The following CCDC141 variants were observed in gnomAD, a reference collection of about 807,000 sequenced individuals.
CCDC141 encodes the protein coiled-coil domain containing 141.
In CCDC141, 168 loss-of-function variants were observed where a neutral mutation model predicts 181.0. The observed-to-expected ratio is 0.93, with a 90% CI of 0.82 to 1.05. The LOEUF is 1.05. Ranked by LOEUF, CCDC141 falls within the 50% of genes least tolerant of loss-of-function variation. The pLI is 0.00. For synonymous variants in CCDC141, 666 were observed against 642.3 expected (o/e 1.04, Z -0.56); for missense variants, 1,902 against 1,788.5 (o/e 1.06, Z -1.14).
chr2:178,893,683 T>A (rs76947097), intron 8 of CCDC141, among the ~76,000 whole-genome samples: 7 of 152,098 alleles, frequency 4.6e-5, no homozygotes, highest in Non-Finnish European at 8.8e-5. Flanking sequence ...CATCCCTACT[T>A]TGAAAAAGTG....
intron 2 of CCDC141, among the ~76,000 whole-genome samples, chr2:179,039,672 C>T (rs1214800495): frequency 6.6e-6 from 1 of 152,060 alleles, no homozygotes; most frequent in Non-Finnish European, 1.5e-5. Flanking sequence ...AGACCCTGTA[C>T]ATACAAAAAG....
intron 2 of CCDC141, among the ~76,000 whole-genome samples, chr2:179,038,217 T>A (rs1361200591): frequency 6.6e-6 from 1 of 152,204 alleles, no homozygotes; most frequent in Admixed American, 6.5e-5. Context: ...TGCTGCAAAA[T>A]GGGTGAACCT....
At chr2:178,882,446 G>A (rs979325313) in intron 11 of CCDC141, among the ~76,000 whole-genome samples, 2 of 152,288 alleles carry the variant, frequency 1.3e-5, no homozygotes, top group East Asian at 1.9e-4. Flanking sequence ...GCTGAAGGAC[G>A]TAGGAATATT....
chr2:179,033,195 C>T (rs1035705026), intron 2 of CCDC141, among the ~76,000 whole-genome samples: 1 of 151,562 alleles, frequency 6.6e-6, no homozygotes, highest in Non-Finnish European at 1.5e-5. Flanking sequence ...CATCCACATC[C>T]ACAGATTTGA....
chr2:178,831,180 G>C lies in CCDC141; in HGVS notation c.*2993C>G, dbSNP rs1684234760. ...GAATATTCAGAGATTCAAATGTACA[G>C]ATTCCTACAGTAAATTTCTCTTGGA... On this transcript the variant is annotated 3_prime_UTR_variant, in exon 24 of 24. Coordinates refer to ENST00000443758, the MANE Select transcript of CCDC141 (RefSeq NM_173648.4). 1 of 152,150 alleles carries C rather than the reference G, an allele frequency of 6.6e-6. No homozygotes were observed. Among genetic ancestry groups the C allele is most frequent in the African/African-American group, 2.4e-5 (1 of 41,448 alleles). 9.4% of individuals were successfully genotyped at this position (152,150 alleles called of 1,614,324 possible). A position where few individuals can be genotyped will look rare whatever the true frequency, so the allele number is the denominator to read the frequency against.
At chr2:178,935,609 G>A (rs926054796) in intron 6 of CCDC141, among the ~76,000 whole-genome samples, 21 of 152,132 alleles carry the variant, frequency 1.4e-4, no homozygotes, top group African/African-American at 5.1e-4. Context: ...CTTTATGGTA[G>A]AATGATTTAT....
intron 17 of CCDC141, among the ~76,000 whole-genome samples, chr2:178,861,787 A>T (rs1002582486): frequency 6.6e-6 from 1 of 152,144 alleles, no homozygotes; most frequent in African/African-American, 2.4e-5. Flanking sequence ...TTGTATTCTT[A>T]TGGCTTGGTA....
intron 6 of CCDC141, among the ~76,000 whole-genome samples, chr2:178,923,171 C>G (rs1019166764): frequency 3.5e-5 from 5 of 144,130 alleles, no homozygotes; most frequent in African/African-American, 1.3e-4. Context: ...GTGGCGGGAT[C>G]TCGGCTCACT....
intron 8 of CCDC141, among the ~76,000 whole-genome samples, chr2:178,898,982 T>C (rs4893858): frequency 0.048 from 7,278 of 152,256 alleles, 466 homozygotes; most frequent in South Asian, 0.21. Flanking sequence ...CTGTAATCAT[T>C]TGAAACAACC....
chr2:178,928,124 C>T (rs1236480298), intron 6 of CCDC141, among the ~76,000 whole-genome samples: 2 of 152,024 alleles, frequency 1.3e-5, no homozygotes, highest in Non-Finnish European at 2.9e-5. Context: ...ACAGAGAAAC[C>T]GGGTGACTGA....
At chr2:178,910,441 C>T (rs550103034) in intron 7 of CCDC141, among the ~76,000 whole-genome samples, 62 of 152,304 alleles carry the variant, frequency 4.1e-4, no homozygotes, top group Non-Finnish European at 8.2e-4. Flanking sequence ...ACACAAAACT[C>T]AGCTAAGTGC....
chr2:178,991,194 TCTC>T (rs1168342472), intron 2 of CCDC141, among the ~76,000 whole-genome samples: 1 of 152,142 alleles, frequency 6.6e-6, no homozygotes, highest in African/African-American at 2.4e-5. Flanking sequence ...CAATACATAT[TCTC>T]CTTTTTATAA....
chr2:179,030,313 T>C (rs180778094), intron 2 of CCDC141, among the ~76,000 whole-genome samples: 1 of 152,218 alleles, frequency 6.6e-6, no homozygotes, highest in Non-Finnish European at 1.5e-5. Context: ...TACACAATCT[T>C]TAATGACCCG....
chr2:178,817,849 C>T, the CCDC141 span, among the ~76,000 whole-genome samples: 1 of 124,740 alleles, frequency 8.0e-6, no homozygotes, highest in African/African-American at 3.0e-5. Context: ...GTTGCCTAGG[C>T]TGGAGTGCAG....
rs186090742 is a variant in CCDC141, at chr2:178,905,300, A to G, written c.1265+29T>C. ...TGTGGAAACTGTGAAAAAGCTTGTT[A>G]CACTGAGAAAGAAATCAACTTTACT... On this transcript the variant is annotated intron_variant, in intron 8 of 23. Transcript: ENST00000443758. The G allele has an allele frequency of 3.3e-5, 50 of 1,522,996 alleles. No homozygotes were observed. The Admixed American group carries it at 1.1e-3, about 33-fold the overall frequency. The allele number at this position is 1,522,996 out of a possible 1,614,324, so 94.3% of individuals were successfully genotyped here.
At chr2:179,046,749 T>G (rs1418261215) in intron 2 of CCDC141, among the ~76,000 whole-genome samples, 2 of 152,206 alleles carry the variant, frequency 1.3e-5, no homozygotes, top group African/African-American at 4.8e-5. Context: ...TCTGGCAACC[T>G]CAAACCAATG....
At chr2:178,933,250 C>T (rs1689164966) in intron 6 of CCDC141, among the ~76,000 whole-genome samples, 2 of 152,100 alleles carry the variant, frequency 1.3e-5, no homozygotes, top group Admixed American at 6.6e-5. Context: ...TAATCAAGAA[C>T]TTCATGAACA....
chr2:178,918,912 A>G lies in CCDC141; in HGVS notation c.898-5T>C. On this transcript the variant is annotated splice_polypyrimidine_tract_variant and splice_region_variant and intron_variant, in intron 6 of 23. Coordinates refer to ENST00000443758, the MANE Select transcript of CCDC141 (RefSeq NM_173648.4). ...CTCAACAGCAGAATTCCATTCCTGCAAGAGATTATTCTTATTATTTTATAC... is the reference window on the plus strand; with the variant it reads ...CTCAACAGCAGAATTCCATTCCTGCGAGAGATTATTCTTATTATTTTATAC... 6.5e-7 allele frequency: 1 copy of G among 1,549,348 alleles called. No homozygotes were observed. Among genetic ancestry groups the G allele is most frequent in the South Asian group, 1.2e-5 (1 of 83,956 alleles).
intron 2 of CCDC141, among the ~76,000 whole-genome samples, chr2:178,982,732 C>G (rs1295266326): frequency 1.3e-5 from 2 of 152,156 alleles, no homozygotes; most frequent in African/African-American, 4.8e-5. Flanking sequence ...CGGGTCACTC[C>G]CACCCGAATA....
Sources: gnomAD v4.1 joint callset for allele counts (sites outside exome capture counted in the v4.1 genomes callset) on GRCh38, gnomAD v4.1.1 for gene constraint, MANE v1.5 for transcripts, NCBI Gene and HGNC (gene_info 2026-07-23, HGNC 2026-07-21) for gene names.